GPC3: variants seen among roughly 807,000 people sequenced by gnomAD.
GPC3 encodes glypican-3.
A neutral mutation model predicts 34.4 loss-of-function variants in GPC3; 3 were observed. The observed-to-expected ratio is 0.09, with a 90% confidence interval of 0.04 to 0.23. The LOEUF is 0.23. Ranked by LOEUF, GPC3 falls within the 10% of genes least tolerant of loss-of-function variation. GPC3 has a pLI of 1.00. For synonymous variants in GPC3, 177 were observed against 174.0 expected (o/e 1.02, Z -0.13); for missense variants, 351 against 445.6 (o/e 0.79, Z 1.91).
intron 2 of GPC3, among the ~76,000 whole-genome samples, chrX:133,815,822 T>A (rs2075688902): frequency 9.0e-6 from 1 of 111,686 alleles, no homozygotes; most frequent in Non-Finnish European, 1.9e-5. Context: ...TGGGACCTGA[T>A]TAAGGGAGAA....
intron 2 of GPC3, among the ~76,000 whole-genome samples, chrX:133,795,471 C>A (rs746910313): frequency 6.3e-5 from 7 of 110,581 alleles, no homozygotes; most frequent in Non-Finnish European, 1.3e-4. Flanking sequence ...CAAGGTGGGG[C>A]GAGACAAGAG....
intron 3 of GPC3, among the ~76,000 whole-genome samples, chrX:133,719,524 C>A (rs1387826244): frequency 9.0e-6 from 1 of 111,154 alleles, no homozygotes; most frequent in Admixed American, 9.6e-5. Context: ...GTCCTTCACC[C>A]ACTAGATGAC....
chrX:133,548,460 G>A (rs1314556540), intron 7 of GPC3, among the ~76,000 whole-genome samples: 2 of 111,767 alleles, frequency 1.8e-5, no homozygotes, highest in South Asian at 3.7e-4. Flanking sequence ...TAAAATGCAT[G>A]CAATGTCCTG....
chrX:133,759,509 G>A (rs1366487439), intron 2 of GPC3, among the ~76,000 whole-genome samples: 1 of 112,023 alleles, frequency 8.9e-6, no homozygotes, highest in Non-Finnish European at 1.9e-5. Context: ...ACAATTCAAT[G>A]GAGAAAGAAT....
chrX:133,771,525 C>T (rs2071920121), intron 2 of GPC3, among the ~76,000 whole-genome samples: 1 of 112,058 alleles, frequency 8.9e-6, no homozygotes, highest in Non-Finnish European at 1.9e-5. Flanking sequence ...GACCCAAACG[C>T]TAAATTCCAT....
intron 2 of GPC3, among the ~76,000 whole-genome samples, chrX:133,822,168 C>T (rs763282673): frequency 3.3e-4 from 37 of 112,174 alleles, no homozygotes; most frequent in Non-Finnish European, 4.5e-4. Flanking sequence ...CTTGCTGCAT[C>T]CCACCTGGGA....
chrX:133,897,240 G>A lies in GPC3; in HGVS notation c.337+55810C>T, dbSNP rs749192083. Among the ~76,000 whole-genome samples the A allele has an allele frequency of 4.0e-3, 378 of 95,167 alleles. 5 individuals are homozygous for A. The highest frequency in any genetic ancestry group is 0.014 in the African/African-American group (352 of 25,618). The allele number at this position is 95,167 out of a possible 115,157, so 82.6% of individuals were successfully genotyped here. ...TTTTTTTTTTTTTTAAATAGAGACA[G>A]GGTCTCACTATGTTGCCCAGGCTGG... is the stretch of plus-strand genomic sequence containing the variant. On this transcript the variant is annotated intron_variant, in intron 2 of 7. Transcript: ENST00000370818.
chrX:133,922,176 G>A (rs752040243), intron 2 of GPC3, among the ~76,000 whole-genome samples: 1 of 112,642 alleles, frequency 8.9e-6, no homozygotes, highest in Admixed American at 9.4e-5. Flanking sequence ...GCAGCAAGTA[G>A]CTCAAGAAGA....
chrX:133,897,008 G>A (rs1236185520), intron 2 of GPC3, among the ~76,000 whole-genome samples: 3 of 104,456 alleles, frequency 2.9e-5, no homozygotes, highest in East Asian at 6.1e-4. Context: ...CCGGGTTCAC[G>A]CCATTCTCCT....
intron 6 of GPC3, among the ~76,000 whole-genome samples, chrX:133,612,222 T>C (rs1261051408): frequency 8.9e-6 from 1 of 111,907 alleles, no homozygotes; most frequent in African/African-American, 3.3e-5. Context: ...AGGAATAAGA[T>C]TTATTTTCCA....
intron 2 of GPC3, among the ~76,000 whole-genome samples, chrX:133,864,276 A>T (rs1212932091): frequency 9.0e-6 from 1 of 111,475 alleles, no homozygotes; most frequent in Non-Finnish European, 1.9e-5. Flanking sequence ...AGGAAACCCA[A>T]ACTGTGCGCA....
At chrX:133,661,560 ATCTCTCTT>A (rs1569408530) in intron 6 of GPC3, among the ~76,000 whole-genome samples, 162 bp downstream of exon 6, 7 of 60,649 alleles carry the variant, frequency 1.2e-4, no homozygotes, top group African/African-American at 1.4e-4. Flanking sequence ...AGCTGGCTAT[ATCTCTCTT>A]TCTCTCTCTC....
chrX:133,826,056 G>T (rs967038547), intron 2 of GPC3, among the ~76,000 whole-genome samples: 1 of 111,722 alleles, frequency 9.0e-6, no homozygotes, highest in Non-Finnish European at 1.9e-5. Flanking sequence ...GGAAGGGAAA[G>T]AATCTGATTT....
intron 2 of GPC3, among the ~76,000 whole-genome samples, chrX:133,792,838 C>T (rs1277833378): frequency 9.0e-6 from 1 of 111,286 alleles, no homozygotes; most frequent in Non-Finnish European, 1.9e-5. Flanking sequence ...ACCCCAAAAC[C>T]ATCTGTTCTT....
At chrX:133,593,027 A>C (rs1408002830) in intron 7 of GPC3, among the ~76,000 whole-genome samples, 1 of 111,635 alleles carries the variant, frequency 9.0e-6, no homozygotes, top group Non-Finnish European at 1.9e-5. Flanking sequence ...CAATCTCTAT[A>C]GAAATAAAAT....
rs2071694723 is a variant in GPC3 at position 133,753,777 on chromosome X, A to G, written c.737T>C (p.Leu246Pro). The G allele has an allele frequency of 1.7e-6, 2 of 1,211,741 alleles. No homozygotes were observed. Among genetic ancestry groups the G allele is most frequent in the Non-Finnish European group, 2.2e-6 (2 of 895,277 alleles). Residue 246 changes from leucine (L) to proline (P), a missense_variant, in exon 3 of 8, where the codon CTG becomes CCG. Leu to Pro is a moderately conservative substitution (Grantham distance 98). Coordinates refer to ENST00000370818, the MANE Select transcript of GPC3 (RefSeq NM_004484.4). ...GIEVINTTDH[L>P]KFSKDCGRML... Reference sequence around the variant, plus strand: ...TCGGCCACAGTCCTTACTGAACTTCAGGTGATCAGTTGTGTTGATCACTTC... The same window carrying G: ...TCGGCCACAGTCCTTACTGAACTTCGGGTGATCAGTTGTGTTGATCACTTC...
In GPC3 at chrX:133,604,624, TA is replaced by T. The variant is rs369154602; in HGVS notation, c.1414-8026del. Among the ~76,000 whole-genome samples, 195 of 111,438 alleles carry T rather than the reference TA, an allele frequency of 1.7e-3. 1 individual carries two copies. Among genetic ancestry groups the T allele is most frequent in the African/African-American group, 6.1e-3 (187 of 30,608 alleles). On this transcript the variant is annotated intron_variant, in intron 6 of 7. Transcript: ENST00000370818. ...GCTTGACTTTAAGCTCTTTAGCATT[TA>T]AAAAAAATAAAGGGATAAGTAACAA...
intron 2 of GPC3, among the ~76,000 whole-genome samples, chrX:133,893,970 G>A (rs904177263): frequency 1.8e-5 from 2 of 111,028 alleles, no homozygotes; most frequent in Non-Finnish European, 3.8e-5. Context: ...AGCCTCCCAA[G>A]TAGCTGGGAT....
In GPC3 at chrX:133,626,452, T is replaced by C. The variant is rs149267665; in HGVS notation, c.1414-29853A>G. ...TAATATCCAGAATCTACAAGGAACT[T>C]AAACAAATTTACAAGAAAAAAATCA... On this transcript the variant is annotated intron_variant, in intron 6 of 7. Transcript: ENST00000370818. Among the ~76,000 whole-genome samples the C allele has an allele frequency of 2.6e-3, 288 of 110,214 alleles. 1 individual carries two copies. Among genetic ancestry groups the C allele is most frequent in the African/African-American group, 9.2e-3 (278 of 30,289 alleles).
Sources: gnomAD v4.1 joint callset for allele counts (sites outside exome capture counted in the v4.1 genomes callset) on GRCh38, gnomAD v4.1.1 for gene constraint, MANE v1.5 for transcripts, NCBI Gene and HGNC (gene_info 2026-07-23, HGNC 2026-07-21) for gene names.